The following CAMTA1 variants were observed in gnomAD, a reference collection of about 807,000 sequenced individuals.
The protein encoded by CAMTA1 is calmodulin binding transcription activator 1, also known as calmodulin-binding transcription activator 1.
In CAMTA1, 27 loss-of-function variants were observed where a neutral mutation model predicts 170.9. The ratio of observed to expected loss-of-function variants is 0.16; its 90% confidence interval spans 0.12 to 0.22. The LOEUF (loss-of-function observed/expected upper bound fraction) is 0.22. CAMTA1 is among the 10% of genes least tolerant of loss of function. CAMTA1 has a pLI of 1.00. For missense variants in CAMTA1, 1,619 were observed against 2,217.2 expected (o/e 0.73, Z 5.42); for synonymous variants, 833 against 891.5 (o/e 0.93, Z 1.17).
At chr1:6,894,728 C>T (rs145077765) in intron 3 of CAMTA1, among the ~76,000 whole-genome samples, 10 of 152,318 alleles carry the variant, frequency 6.6e-5, no homozygotes, top group Admixed American at 5.2e-4. Context: ...AAAGTGAAAA[C>T]ATCACTGGAC....
At position 7,113,531 on chromosome 1, in the gene CAMTA1, C is replaced by T. The variant is rs951385909; in HGVS notation, c.302+22160C>T. Among the ~76,000 whole-genome samples the T allele has an allele frequency of 5.9e-5, 9 of 152,180 alleles. No individual in the cohort carries two copies. The highest frequency in any genetic ancestry group is 2.0e-4 in the Admixed American group (3 of 15,276). On this transcript the variant is annotated intron_variant, in intron 4 of 22. Coordinates refer to ENST00000303635, the MANE Select transcript of CAMTA1 (RefSeq NM_015215.4). The surrounding 1 kb of genome is among the most constrained non-coding windows in gnomAD (Gnocchi z 4.5). ...AAGGAGGGTCTCGGGCAAGACCTCC[C>T]CCAACAGGCAGACCAGGGCAGTGCC...
chr1:7,649,418 C>G (rs1481139827), intron 7 of CAMTA1, among the ~76,000 whole-genome samples: 1 of 152,222 alleles, frequency 6.6e-6, no homozygotes, highest in Non-Finnish European at 1.5e-5. Flanking sequence ...TGGGAAGGAG[C>G]TGCTGCCATG....
intron 1 of CAMTA1, among the ~76,000 whole-genome samples, chr1:6,796,676 C>T (rs1642596185): frequency 1.3e-5 from 2 of 152,032 alleles, no homozygotes; most frequent in Admixed American, 1.3e-4. Context: ...TTGTATTGGA[C>T]TTAGGGTGCA....
rs767297535 is a variant in CAMTA1 at position 7,482,388 on chromosome 1, C to G, written c.510+14487C>G. ...ACTACTTCCTGGGGTTTCTCCTAGG[C>G]TCTCCCACAGCTGCCCCTAGGTCCA... On this transcript the variant is annotated intron_variant, in intron 6 of 22. Transcript: ENST00000303635. The surrounding 1 kb of genome is among the most constrained non-coding windows in gnomAD (Gnocchi z 4.2). Among the ~76,000 whole-genome samples the G allele has an allele frequency of 6.6e-6, 1 of 152,178 alleles. No individual in the cohort carries two copies. Among genetic ancestry groups the G allele is most frequent in the African/African-American group, 2.4e-5 (1 of 41,436 alleles).
intron 4 of CAMTA1, among the ~76,000 whole-genome samples, chr1:7,160,604 T>C (rs1166499677): frequency 6.6e-6 from 1 of 152,176 alleles, no homozygotes; most frequent in Non-Finnish European, 1.5e-5. Flanking sequence ...CCTTCTATAT[T>C]TGTGATGCTC....
At chr1:7,679,575 G>GCCCCC (rs377170123) in intron 11 of CAMTA1, among the ~76,000 whole-genome samples, 5 of 103,610 alleles carry the variant, frequency 4.8e-5, no homozygotes, top group South Asian at 2.9e-4. Flanking sequence ...CTCCCTAGCT[G>GCCCCC]CCCCCCCCCC....
intron 4 of CAMTA1, among the ~76,000 whole-genome samples, chr1:7,117,273 T>C (rs890727022): frequency 1.3e-5 from 2 of 152,170 alleles, no homozygotes; most frequent in African/African-American, 4.8e-5. Flanking sequence ...ACCTGGCCTA[T>C]CTTTCTTTTT....
intron 5 of CAMTA1, among the ~76,000 whole-genome samples, chr1:7,258,970 G>A (rs994725416): frequency 2.0e-5 from 3 of 152,164 alleles, no homozygotes; most frequent in Non-Finnish European, 2.9e-5. Flanking sequence ...AAAATCATGA[G>A]GAAAACAGGG....
intron 4 of CAMTA1, among the ~76,000 whole-genome samples, chr1:7,103,695 A>G (rs1287664507): frequency 6.6e-6 from 1 of 151,210 alleles, no homozygotes; most frequent in African/African-American, 2.4e-5. Context: ...AACAGATACA[A>G]CTACACATAT....
rs1225217202 is a variant in CAMTA1 at position 6,970,928 on chromosome 1, G to C, written c.235-120376G>C. ...GGGACCACTGCTGTGTCTGTTTCCA[G>C]CCTCTCCTTTCCTAAACCAGGCCGG... On this transcript the variant is annotated intron_variant, in intron 3 of 22. Transcript: ENST00000303635. This position sits in a 1 kb window ranked among gnomAD's most constrained non-coding sequence, Gnocchi z 4.4. 3.3e-5 allele frequency among the ~76,000 whole-genome samples: 5 copies of C among 152,172 alleles called. No individual in the cohort carries two copies. The highest frequency in any genetic ancestry group is 4.8e-5 in the African/African-American group (2 of 41,440).
In CAMTA1 at chr1:7,249,560, G is replaced by C; in HGVS notation, c.372G>C (p.Trp124Cys). The change falls in exon 5 of 23, where the codon TGG (tryptophan) becomes TGC (cysteine). Residue 124 changes from tryptophan to cysteine, a missense_variant. Trp to Cys is a radical substitution (Grantham distance 215). Transcript: ENST00000303635. This position sits in a 1 kb window ranked among gnomAD's most constrained non-coding sequence, Gnocchi z 4.4. ...AATACAGGAAAGATGGGTATTGCTGGAAAAAGAGGAAAGATGGGAAAACGA... is the reference window on the plus strand; with the variant it reads ...AATACAGGAAAGATGGGTATTGCTGCAAAAAGAGGAAAGATGGGAAAACGA... Reference protein sequence around the residue: ...KVKYRKDGYCWKKRKDGKTTR... With the variant: ...KVKYRKDGYCCKKRKDGKTTR... 1 of 1,614,098 alleles carries C rather than the reference G, an allele frequency of 6.2e-7. No individual in the cohort carries two copies. Among genetic ancestry groups the C allele is most frequent in the Non-Finnish European group, 8.5e-7 (1 of 1,179,994 alleles).
rs533655623 is a variant in CAMTA1 at position 6,965,608 on chromosome 1, G to T, written c.235-125696G>T. On this transcript the variant is annotated intron_variant, in intron 3 of 22. Transcript: ENST00000303635. This position sits in a 1 kb window ranked among gnomAD's most constrained non-coding sequence, Gnocchi z 4.1. Reference sequence around the variant, plus strand: ...TTTCTCTAAAGGAAAAAAAATGGACGTGCCGCCTGTTAGCTAATCAACAGT... The same window carrying T: ...TTTCTCTAAAGGAAAAAAAATGGACTTGCCGCCTGTTAGCTAATCAACAGT... 6.6e-6 allele frequency among the ~76,000 whole-genome samples: 1 copy of T among 152,120 alleles called. No individual in the cohort carries two copies. The highest frequency in any genetic ancestry group is 1.5e-5 in the Non-Finnish European group (1 of 68,042).
chr1:7,344,710 A>G (rs998996931), intron 5 of CAMTA1, among the ~76,000 whole-genome samples: 13 of 150,446 alleles, frequency 8.6e-5, no homozygotes, highest in African/African-American at 2.7e-4. Flanking sequence ...TCTTCCTGCA[A>G]TTATTGGCCA....
intron 3 of CAMTA1, among the ~76,000 whole-genome samples, chr1:7,026,662 G>A (rs1475221033): frequency 3.6e-4 from 49 of 134,558 alleles, no homozygotes; most frequent in African/African-American, 1.4e-3. Flanking sequence ...TTTTGAGACG[G>A]AATCTTTCAC....
Position 7,677,639 on chromosome 1 carries a change from C to T in CAMTA1, c.2820C>T (p.Asn940=). 4 of 1,614,186 alleles carry T rather than the reference C, an allele frequency of 2.5e-6. No homozygotes were observed. The highest frequency in any genetic ancestry group is 2.5e-6 in the Non-Finnish European group (3 of 1,180,018). The change falls in exon 11 of 23, where the codon AAC becomes AAT. Residue 940 remains asparagine, a synonymous_variant. Coordinates refer to ENST00000303635, the MANE Select transcript of CAMTA1 (RefSeq NM_015215.4). ...TGLVTLQVAF[N]NQIISNSVVF... is the part of the protein sequence containing the mutation. ...TTGTGACCCTACAAGTTGCCTTCAACAACCAGATCATCTCCAACTCGGTGG... is the reference window on the plus strand; with the variant it reads ...TTGTGACCCTACAAGTTGCCTTCAATAACCAGATCATCTCCAACTCGGTGG...
At chr1:6,854,185 A>G (rs1291281460) in intron 3 of CAMTA1, among the ~76,000 whole-genome samples, 2 of 152,226 alleles carry the variant, frequency 1.3e-5, no homozygotes, top group African/African-American at 4.8e-5. Flanking sequence ...TTGGAACTGG[A>G]AAATTCCTGT....
chr1:7,670,348 G>T (rs1359197185), intron 9 of CAMTA1, among the ~76,000 whole-genome samples: 4 of 152,042 alleles, frequency 2.6e-5, no homozygotes, highest in African/African-American at 9.7e-5. Context: ...TTTCTTCATC[G>T]GGCTCTTCAG....
rs2095033762 is a variant in CAMTA1 at position 7,565,819 on chromosome 1, G to A, written c.511-74581G>A. ...TAGACATTTACACTCTCACAGTTCT[G>A]GAAGCTGGAGGGCCAAGATCAGGAT... On this transcript the variant is annotated intron_variant, in intron 6 of 22. Transcript: ENST00000303635. This position sits in a 1 kb window ranked among gnomAD's most constrained non-coding sequence, Gnocchi z 4.5. Among the ~76,000 whole-genome samples the A allele has an allele frequency of 6.6e-6, 1 of 152,142 alleles. No individual in the cohort carries two copies. The highest frequency in any genetic ancestry group is 2.4e-5 in the African/African-American group (1 of 41,432).
chr1:7,501,618 G>GTTT (rs56182115), intron 6 of CAMTA1, among the ~76,000 whole-genome samples: 79,818 of 149,354 alleles, frequency 0.53, 22,424 homozygotes, highest in Middle Eastern at 0.78. Context: ...ATAAACAACA[G>GTTT]TTTTTTTTTT....
Sources: gnomAD v4.1 joint callset for allele counts (sites outside exome capture counted in the v4.1 genomes callset) on GRCh38, gnomAD v4.1.1 for gene constraint, Gnocchi (gnomAD v3.1) non-coding constraint, MANE v1.5 for transcripts, NCBI Gene and HGNC (gene_info 2026-07-23, HGNC 2026-07-21) for gene names.